The following NODAL variants were observed in gnomAD, a reference collection of about 807,000 sequenced individuals.
NODAL encodes nodal homolog.
In NODAL, 12 loss-of-function variants were observed where a neutral mutation model predicts 34.0. That is an observed-to-expected ratio of 0.35 (90% CI 0.23 to 0.57). The LOEUF is 0.57. NODAL is among the 20% of genes least tolerant of loss of function. The pLI, the probability that NODAL is intolerant of heterozygous loss-of-function variation, is 0.83. For synonymous variants in NODAL, 162 were observed against 186.4 expected, an observed-to-expected ratio of 0.87 and a Z score of 1.07; for missense variants, 390 against 444.2, an observed-to-expected ratio of 0.88 and a Z score of 1.10.
Position 70,432,482 on chromosome 10 carries a change from T to A in NODAL, c.*454A>T. ...GGACTCTTTTTAATCTATACAGTGA[T>A]CCTTAATCTTTGGGGAGGGGGACAG... On this transcript the variant is annotated 3_prime_UTR_variant, in exon 3 of 3. Transcript: ENST00000287139. 1 of 275,194 alleles carries A rather than the reference T, an allele frequency of 3.6e-6. No homozygotes were observed. Among genetic ancestry groups the A allele is most frequent in the Admixed American group, 4.8e-5 (1 of 20,778 alleles). The allele number at this position is 275,194 out of a possible 1,614,324, so 17.0% of individuals were successfully genotyped here. A position where few individuals can be genotyped will look rare whatever the true frequency, so the allele number is the denominator to read the frequency against.
At chr10:70,445,734 G>A (rs1248426676), upstream of NODAL, among the ~76,000 whole-genome samples, 2 of 152,156 alleles carry the variant, frequency 1.3e-5, no homozygotes, top group Non-Finnish European at 2.9e-5. Context: ...TTTACAAGTG[G>A]AAACAGCCAG....
At chr10:70,439,924 T>G (rs1326008606) in intron 1 of NODAL, among the ~76,000 whole-genome samples, 1 of 152,010 alleles carries the variant, frequency 6.6e-6, no homozygotes, top group Non-Finnish European at 1.5e-5. Flanking sequence ...TATTAAAAAA[T>G]AGCTGGGCGC....
chr10:70,441,796 G>A, upstream of NODAL: 1 of 980,902 alleles, frequency 1.0e-6, no homozygotes, highest in Non-Finnish European at 1.5e-6. Context: ...CGGAGGGTGG[G>A]GGGCAGAGAG....
chr10:70,432,288 C>G lies in NODAL; in HGVS notation c.*648G>C, dbSNP rs1176347989. The G allele has an allele frequency of 6.4e-6, 1 of 156,528 alleles. No homozygotes were observed. Among genetic ancestry groups the G allele is most frequent in the Non-Finnish European group, 1.4e-5 (1 of 70,596 alleles). 9.7% of individuals were successfully genotyped at this position (156,528 alleles called of 1,614,324 possible). On this transcript the variant is annotated 3_prime_UTR_variant, in exon 3 of 3. Coordinates refer to ENST00000287139, the MANE Select transcript of NODAL (RefSeq NM_018055.5). ...CTCTTGGATGAGTTCCTGCCTCTGC[C>G]TTCACAGGCACCAGCTGGCCCAGGA...
At chr10:70,437,117 G>T (rs1379394560) in intron 1 of NODAL, among the ~76,000 whole-genome samples, 1 of 152,202 alleles carries the variant, frequency 6.6e-6, no homozygotes, top group Admixed American at 6.5e-5. Flanking sequence ...CCTGATGTCT[G>T]GGAATAGCAC....
At chr10:70,435,244 C>A in intron 2 of NODAL, 42 bp downstream of exon 2, 3 of 1,540,024 alleles carry the variant, frequency 1.9e-6, no homozygotes, top group Non-Finnish European at 2.7e-6. Context: ...TCCCCCAAGG[C>A]CAGCTTACTG....
In NODAL at chr10:70,435,631, C is replaced by T. The variant is rs373803679; in HGVS notation, c.546G>A (p.Pro182=). 61 of 1,613,860 alleles carry T rather than the reference C, an allele frequency of 3.8e-5. No homozygotes were observed. In the African/African-American group the frequency reaches 5.9e-4, roughly 16 times the overall value. The change falls in exon 2 of 3, where the codon CCG becomes CCA. Residue 182 remains proline, a synonymous_variant. Transcript: ENST00000287139. Reference sequence around the variant, plus strand: ...TGGTGGCAGGCGGTGTGGGGGGCCGCGGCCAGCACTCTCCAGCTACCCTGG... The same window carrying T: ...TGGTGGCAGGCGGTGTGGGGGGCCGTGGCCAGCACTCTCCAGCTACCCTGG... ...QMSRVAGECW[P]RPPTPPATNV... is the part of the protein sequence containing the mutation.
chr10:70,443,940 T>C (rs1186982404), upstream of NODAL, among the ~76,000 whole-genome samples: 1 of 151,610 alleles, frequency 6.6e-6, no homozygotes, highest in African/African-American at 2.4e-5. Context: ...CCCCTTTTTT[T>C]TTTTTTTTTG....
Position 70,432,883 on chromosome 10 carries a change from A to T in NODAL, c.*53T>A. 6.9e-6 allele frequency: 11 copies of T among 1,602,506 alleles called. No homozygotes were observed. Among genetic ancestry groups the T allele is most frequent in the Non-Finnish European group, 9.4e-6 (11 of 1,169,808 alleles). ...TTAGATGGTTATCATGTCTTCCAGG[A>T]GTTTCCCAGCCTTCCAGAGTGCAGG... On this transcript the variant is annotated 3_prime_UTR_variant, in exon 3 of 3. Transcript: ENST00000287139.
At chr10:70,442,811 C>T (rs1354653008), upstream of NODAL, among the ~76,000 whole-genome samples, 3 of 152,058 alleles carry the variant, frequency 2.0e-5, no homozygotes, top group Non-Finnish European at 2.9e-5. Flanking sequence ...TGGCCAGGCA[C>T]GGTGGCTCAC....
chr10:70,438,665 T>C (rs557792090), intron 1 of NODAL, among the ~76,000 whole-genome samples: 49 of 152,328 alleles, frequency 3.2e-4, no homozygotes, highest in African/African-American at 1.1e-3. Context: ...AAGTTTCCTA[T>C]GAACAGGATG....
chr10:70,447,577 T>A (rs1845501862), intron 1 of NODAL, among the ~76,000 whole-genome samples: 1 of 151,040 alleles, frequency 6.6e-6, no homozygotes, highest in Admixed American at 6.6e-5. Flanking sequence ...CTTGGGAGGC[T>A]GAGATGGCAG....
intron 2 of NODAL, chr10:70,434,926 C>G: frequency 3.3e-6 from 1 of 298,716 alleles, no homozygotes; most frequent in South Asian, 4.0e-5. Flanking sequence ...AATGAGGAGT[C>G]AAATGCAGGC....
upstream of NODAL, among the ~76,000 whole-genome samples, chr10:70,443,894 A>G (rs931756431): frequency 1.3e-5 from 2 of 151,484 alleles, no homozygotes; most frequent in African/African-American, 4.8e-5. Context: ...TTGCCTGAAG[A>G]TACGCATCAC....
At chr10:70,435,026 A>G in intron 2 of NODAL, 1 of 489,408 alleles carries the variant, frequency 2.0e-6, no homozygotes, top group Non-Finnish European at 3.7e-6. Context: ...CCACCCCCTA[A>G]TTTTATGAAA....
rs897466041 is a variant in NODAL, at chr10:70,432,014, G to A, written c.*922C>T. 6.6e-6 allele frequency among the ~76,000 whole-genome samples: 1 copy of A among 152,234 alleles called. No individual in the cohort carries two copies. The highest frequency in any genetic ancestry group is 2.4e-5 in the African/African-American group (1 of 41,468). Reference sequence around the variant, plus strand: ...GGATTCACCAGCGTTCCTTTTACAAGTGGAGACTGGACAGTGAATTGCTCA... The same window carrying A: ...GGATTCACCAGCGTTCCTTTTACAAATGGAGACTGGACAGTGAATTGCTCA... On this transcript the variant is annotated 3_prime_UTR_variant, in exon 3 of 3. Coordinates refer to ENST00000287139, the MANE Select transcript of NODAL (RefSeq NM_018055.5).
chr10:70,438,092 C>A (rs892026691), intron 1 of NODAL, among the ~76,000 whole-genome samples: 3 of 151,920 alleles, frequency 2.0e-5, no homozygotes, highest in African/African-American at 7.3e-5. Context: ...AAGTTCGAGA[C>A]CAGCCTGATC....
At chr10:70,439,430 T>G (rs1186072266) in intron 1 of NODAL, among the ~76,000 whole-genome samples, 1 of 152,188 alleles carries the variant, frequency 6.6e-6, no homozygotes, top group African/African-American at 2.4e-5. Flanking sequence ...CCACTCTACA[T>G]TTTCATAAAT....
chr10:70,445,419 G>A (rs545272348), upstream of NODAL, among the ~76,000 whole-genome samples: 15 of 152,030 alleles, frequency 9.9e-5, no homozygotes, highest in African/African-American at 3.1e-4. Context: ...CACCACGCCC[G>A]GCTAATTTTT....
Sources: gnomAD v4.1 joint callset for allele counts (sites outside exome capture counted in the v4.1 genomes callset) on GRCh38, gnomAD v4.1.1 for gene constraint, MANE v1.5 for transcripts, NCBI Gene and HGNC (gene_info 2026-07-23, HGNC 2026-07-21) for gene names.